Variants in RBBP8 observed in about 807,000 individuals in gnomAD.
RBBP8 encodes RB binding protein 8, endonuclease, also known as DNA endonuclease RBBP8.
In RBBP8, 88 loss-of-function variants were observed where a neutral mutation model predicts 108.3. The ratio of observed to expected loss-of-function variants is 0.81; its 90% confidence interval spans 0.68 to 0.97. The LOEUF is 0.97. RBBP8 is among the 50% of genes least tolerant of loss of function. The pLI, the probability that RBBP8 is intolerant of heterozygous loss-of-function variation, is 0.00. For synonymous variants in RBBP8, 332 were observed against 348.2 expected, an observed-to-expected ratio of 0.95 and a Z score of 0.52; for missense variants, 1,023 against 1,049.0, an observed-to-expected ratio of 0.98 and a Z score of 0.34.
intron 3 of RBBP8, among the ~76,000 whole-genome samples, chr18:22,921,937 C>T (rs1909611466): frequency 6.6e-6 from 1 of 152,128 alleles, no homozygotes; most frequent in South Asian, 2.1e-4. Context: ...AACAGATTGA[C>T]TACATTGGAC....
intron 2 of RBBP8, among the ~76,000 whole-genome samples, chr18:22,940,917 G>A (rs1567948128): frequency 6.6e-6 from 1 of 151,998 alleles, no homozygotes; most frequent in Non-Finnish European, 1.5e-5. Context: ...AAAGTGCTAG[G>A]ATTACAGGTG....
In RBBP8 at chr18:23,001,700, A is replaced by T. The variant is rs1359947333; in HGVS notation, c.2258A>T (p.Glu753Val). The T allele has an allele frequency of 6.2e-7, 1 of 1,614,148 alleles. No individual in the cohort carries two copies. The highest frequency in any genetic ancestry group is 8.5e-7 in the Non-Finnish European group (1 of 1,180,010). ...TCCCAAGCAGCAGATGAAGAGGAGG[A>T]ATTGTCTACTGCCACAAAGAAACTA... ...SFSQAADEEEELSTATKKLHT... is the reference protein window; with the variant it reads ...SFSQAADEEEVLSTATKKLHT... Residue 753 changes from glutamate (E) to valine (V), a missense_variant, in exon 15 of 19, where the codon GAA becomes GTA. Transcript: ENST00000327155.
Position 22,981,741 on chromosome 18 carries a change from T to C in RBBP8, c.429-477T>C, listed in dbSNP as rs571962093. On this transcript the variant is annotated intron_variant, in intron 6 of 18. Transcript: ENST00000327155. Reference sequence around the variant, plus strand: ...TTGCCTGGACTATTATAGCCACTAATTGATTTCCTTGCCTCCTGTCCTTCT... The same window carrying C: ...TTGCCTGGACTATTATAGCCACTAACTGATTTCCTTGCCTCCTGTCCTTCT... 3.3e-5 allele frequency among the ~76,000 whole-genome samples: 5 copies of C among 152,260 alleles called. No individual in the cohort carries two copies. In the East Asian group the frequency reaches 9.6e-4, roughly 29 times the overall value.
At chr18:22,919,572 T>TGA (rs760812939) in intron 3 of RBBP8, among the ~76,000 whole-genome samples, 1 of 152,168 alleles carries the variant, frequency 6.6e-6, no homozygotes, top group South Asian at 2.1e-4. Flanking sequence ...TTTCTTTTTT[T>TGA]GAGAGAGAGA....
chr18:22,996,239 A>G (rs1567987642), intron 12 of RBBP8, 135 bp from the exon 13 acceptor site: 19 of 1,390,892 alleles, frequency 1.4e-5, no homozygotes, highest in South Asian at 2.9e-5. Flanking sequence ...AGTTCTTTAT[A>G]TATCTTAGAT....
intron 4 of RBBP8, among the ~76,000 whole-genome samples, chr18:22,963,222 GTTTTT>G (rs780310849): frequency 3.3e-5 from 5 of 150,034 alleles, no homozygotes; most frequent in Non-Finnish European, 7.4e-5. Context: ...TGACTTAGGT[GTTTTT>G]TTTTCTTTTT....
At chr18:23,022,778 A>T (rs950443049) in intron 18 of RBBP8, among the ~76,000 whole-genome samples, 1 of 151,724 alleles carries the variant, frequency 6.6e-6, no homozygotes, top group Non-Finnish European at 1.5e-5. Flanking sequence ...ATTCCTAAAG[A>T]TAAAAGGACT....
chr18:22,969,116 G>A (rs972237663), intron 5 of RBBP8, among the ~76,000 whole-genome samples, 198 bp downstream of exon 5: 3 of 151,036 alleles, frequency 2.0e-5, no homozygotes, highest in African/African-American at 7.3e-5. Flanking sequence ...CAAAAAGGTT[G>A]TGCAAATACT....
intron 18 of RBBP8, chr18:23,024,534 T>C (rs2046424121): frequency 6.6e-6 from 1 of 152,240 alleles, no homozygotes; most frequent in Non-Finnish European, 1.5e-5. Context: ...ATTTTCTCCA[T>C]GGTCCAAAGA....
At chr18:22,968,766 C>A in intron 4 of RBBP8, 40 bp from the exon 5 acceptor site, 1 of 1,524,572 alleles carries the variant, frequency 6.6e-7, no homozygotes, top group Non-Finnish European at 9.1e-7. Context: ...AGAAGGAAAT[C>A]TCTTTTAGTG....
chr18:22,947,966 A>G (rs1357909188), intron 3 of RBBP8, among the ~76,000 whole-genome samples: 4 of 152,118 alleles, frequency 2.6e-5, no homozygotes, highest in Admixed American at 6.5e-5. Flanking sequence ...AATGGAATAT[A>G]TGAATATGGG....
intron 18 of RBBP8, among the ~76,000 whole-genome samples, chr18:23,023,486 A>G (rs969049911): frequency 4.6e-5 from 7 of 152,212 alleles, no homozygotes; most frequent in Admixed American, 6.5e-5. Flanking sequence ...TAATTTTTCT[A>G]TGTTACCAGC....
chr18:22,993,782 T>C lies in RBBP8; in HGVS notation c.1874T>C (p.Leu625Pro), dbSNP rs1035893284. The change falls in exon 12 of 19, where the codon CTT (leucine) becomes CCT (proline). Residue 625 changes from leucine to proline, a missense_variant. Leu to Pro is a moderately conservative substitution (Grantham distance 98). Coordinates refer to ENST00000327155, the MANE Select transcript of RBBP8 (RefSeq NM_002894.3). ...QTRSDHGGCE[L>P]ASVLQLNPCR... ...AGGTCAGACCATGGAGGATGTGAAC[T>C]TGCATCAGTTCTTCAGTTAAATCCA... 3 of 1,613,820 alleles carry C rather than the reference T, an allele frequency of 1.9e-6. No homozygotes were observed. In the African/African-American group the frequency reaches 4.0e-5, roughly 22 times the overall value.
At chr18:22,994,150 A>G (rs1057280579) in intron 12 of RBBP8, among the ~76,000 whole-genome samples, 2 of 145,456 alleles carry the variant, frequency 1.4e-5, no homozygotes, top group African/African-American at 5.0e-5. Flanking sequence ...CCTCCCGAGT[A>G]GCTGGGACTA....
At chr18:22,966,932 C>T (rs1913656115) in intron 4 of RBBP8, among the ~76,000 whole-genome samples, 1 of 152,062 alleles carries the variant, frequency 6.6e-6, no homozygotes, top group South Asian at 2.1e-4. Flanking sequence ...GCCACATTGG[C>T]CAGGCTGGTC....
exon 3 of RBBP8, chr18:22,916,945 G>A (rs1157906848): frequency 6.6e-6 from 1 of 152,102 alleles, no homozygotes; most frequent in Non-Finnish European, 1.5e-5. Flanking sequence ...GGTTAGAACT[G>A]ACAGGAAAAT....
rs564485009 is a variant in RBBP8 at position 22,925,575 on chromosome 18, T to C, written c.-153-3808T>C. 1.1e-4 allele frequency among the ~76,000 whole-genome samples: 17 copies of C among 152,340 alleles called. No individual in the cohort carries two copies. In the South Asian group the frequency reaches 3.5e-3, roughly 32 times the overall value. The stretch of plus-strand genomic sequence containing the variant: ...TAATTACATTAAAGATCACAACTAT[T>C]TGCTGGCAGTGAATAAATCCATCAA... On this transcript the variant is annotated intron_variant, in intron 3 of 4. Coordinates refer to the RBBP8 transcript ENST00000577588.
chr18:23,018,133 C>T (rs1203546740), intron 17 of RBBP8, among the ~76,000 whole-genome samples: 1 of 152,078 alleles, frequency 6.6e-6, no homozygotes, highest in African/African-American at 2.4e-5. Flanking sequence ...CTCACCACAA[C>T]CTCCATTTCC....
intron 16 of RBBP8, among the ~76,000 whole-genome samples, chr18:23,008,218 A>G (rs576542374): frequency 1.3e-5 from 2 of 149,776 alleles, no homozygotes; most frequent in African/African-American, 4.9e-5. Flanking sequence ...AATTGAAGAC[A>G]TAGTAATTCA....
Sources: allele counts gnomAD v4.1 joint callset (sites outside exome capture counted in the v4.1 genomes callset), GRCh38; gene constraint gnomAD v4.1.1; transcripts MANE v1.5; gene names NCBI Gene and HGNC (gene_info 2026-07-23, HGNC 2026-07-21).